The following PDLIM5 variants were observed in gnomAD, a reference collection of about 807,000 sequenced individuals.
PDLIM5 encodes PDZ and LIM domain 5.
In PDLIM5, 34 loss-of-function variants were observed where a neutral mutation model predicts 64.2. The ratio of observed to expected loss-of-function variants is 0.53; its 90% CI spans 0.40 to 0.71. The LOEUF (loss-of-function observed/expected upper bound fraction) is 0.71. Ranked by LOEUF, PDLIM5 falls within the 30% of genes least tolerant of loss-of-function variation. PDLIM5 has a pLI of 0.00. For missense variants in PDLIM5, 683 were observed against 733.6 expected, an observed-to-expected ratio of 0.93 and a Z score of 0.80; for synonymous variants, 253 against 269.1, an observed-to-expected ratio of 0.94 and a Z score of 0.59.
At chr4:94,654,789 T>C (rs2110489952) in intron 10 of PDLIM5, 149 bp downstream of exon 10, 3 of 586,276 alleles carry the variant, frequency 5.1e-6, no homozygotes, top group Admixed American at 3.0e-5. Context: ...AAAGCAAAAC[T>C]AAATAGACCT....
chr4:94,640,080 T>G lies in PDLIM5; in HGVS notation c.1109-196T>G, dbSNP rs17021916. On this transcript the variant is annotated intron_variant, in intron 8 of 12. Coordinates refer to ENST00000317968, the MANE Select transcript of PDLIM5 (RefSeq NM_006457.5). ...GTCTGTCATAATTCTTTTACTTTGT[T>G]GGAATCTTTGGTTTTCTTTCCCATT... Among the ~76,000 whole-genome samples the G allele has an allele frequency of 3.5e-3, 532 of 152,320 alleles. 16 individuals carry two copies. In the East Asian group the frequency reaches 0.071, roughly 20 times the overall value.
chr4:94,513,703 C>G (rs1432956632), intron 2 of PDLIM5, among the ~76,000 whole-genome samples: 1 of 152,076 alleles, frequency 6.6e-6, no homozygotes, highest in African/African-American at 2.4e-5. Context: ...CAGTTTGGAA[C>G]GTTGTATCTT....
At chr4:94,500,410 G>A (rs1431030720) in intron 2 of PDLIM5, among the ~76,000 whole-genome samples, 1 of 152,108 alleles carries the variant, frequency 6.6e-6, no homozygotes, top group Non-Finnish European at 1.5e-5. Context: ...ATTTTACCAA[G>A]TCTTAAACTA....
At position 94,665,568 on chromosome 4, in the gene PDLIM5, C is replaced by T. The variant is rs1743041291; in HGVS notation, c.*1501C>T. 1.5e-5 allele frequency: 14 copies of T among 914,324 alleles called. No individual in the cohort carries two copies. In the South Asian group the frequency reaches 3.9e-4, roughly 26 times the overall value. The allele number at this position is 914,324 out of a possible 1,614,324, so 56.6% of individuals were successfully genotyped here. A position where few individuals can be genotyped will look rare whatever the true frequency, so the allele number is the denominator to read the frequency against. On this transcript the variant is annotated 3_prime_UTR_variant, in exon 13 of 13. Coordinates refer to ENST00000317968, the MANE Select transcript of PDLIM5 (RefSeq NM_006457.5). ...GAATTGTGAATCAGAAGATTATACCCCCCAATTGTTTTTCAATCCCCTTTT... is the reference window on the plus strand; with the variant it reads ...GAATTGTGAATCAGAAGATTATACCTCCCAATTGTTTTTCAATCCCCTTTT...
In PDLIM5 at chr4:94,606,872, A is replaced by G. The variant is rs549753421; in HGVS notation, c.921-11132A>G. 2.0e-5 allele frequency among the ~76,000 whole-genome samples: 3 copies of G among 152,340 alleles called. No individual in the cohort carries two copies. The East Asian group carries it at 5.8e-4, about 29-fold the overall frequency. ...TCCAATAAAGTTCCAATAAAACCTT[A>G]TTTATGGATGCTGAAATTTGAATTT... On this transcript the variant is annotated intron_variant, in intron 7 of 12. Coordinates refer to ENST00000317968, the MANE Select transcript of PDLIM5 (RefSeq NM_006457.5).
chr4:94,560,705 AC>A (rs1733760082), intron 3 of PDLIM5, among the ~76,000 whole-genome samples: 1 of 152,100 alleles, frequency 6.6e-6, no homozygotes, highest in African/African-American at 2.4e-5. Context: ...TATCAAATTA[AC>A]CAGGCTAAGA....
At chr4:94,531,623 G>T in intron 3 of PDLIM5, among the ~76,000 whole-genome samples, 1 of 152,148 alleles carries the variant, frequency 6.6e-6, no homozygotes, top group East Asian at 1.9e-4. Context: ...CCTGTGGGCC[G>T]TGGGTTGGAC....
At chr4:94,476,764 CTG>C (rs1022631927) in intron 2 of PDLIM5, among the ~76,000 whole-genome samples, 8 of 152,292 alleles carry the variant, frequency 5.3e-5, no homozygotes, top group East Asian at 1.9e-4. Context: ...AGTTTGGACT[CTG>C]GAGCCAGCCA....
chr4:94,492,706 G>C (rs890349019), intron 2 of PDLIM5, among the ~76,000 whole-genome samples: 2 of 151,972 alleles, frequency 1.3e-5, no homozygotes, highest in African/African-American at 4.8e-5. Context: ...CATAATACCG[G>C]TTTCTTACTC....
intron 3 of PDLIM5, among the ~76,000 whole-genome samples, chr4:94,561,785 A>C (rs1490882922): frequency 6.6e-6 from 1 of 152,172 alleles, no homozygotes; most frequent in Non-Finnish European, 1.5e-5. Flanking sequence ...TGGCTTCTTC[A>C]CATTTTTAGT....
At chr4:94,589,666 A>G (rs1578430787) in intron 7 of PDLIM5, among the ~76,000 whole-genome samples, 1 of 152,148 alleles carries the variant, frequency 6.6e-6, no homozygotes, top group South Asian at 2.1e-4. Context: ...GCTTGTTTTT[A>G]AAGTGAAATT....
At chr4:94,567,151 C>T (rs1734409458) in intron 3 of PDLIM5, among the ~76,000 whole-genome samples, 1 of 152,140 alleles carries the variant, frequency 6.6e-6, no homozygotes, top group South Asian at 2.1e-4. Context: ...CGCCACCACA[C>T]CTGGCTAATT....
At chr4:94,458,970 G>C (rs1460908379) in intron 2 of PDLIM5, among the ~76,000 whole-genome samples, 1 of 152,152 alleles carries the variant, frequency 6.6e-6, no homozygotes, top group Non-Finnish European at 1.5e-5. Context: ...TTAAAATGGA[G>C]TGCGGGCTAC....
At chr4:94,610,154 C>A in intron 7 of PDLIM5, 2 of 1,503,570 alleles carry the variant, frequency 1.3e-6, no homozygotes, top group Admixed American at 2.1e-5. Context: ...CTTTCCCTAC[C>A]TGTCAGTTTA....
intron 11 of PDLIM5, among the ~76,000 whole-genome samples, 159 bp downstream of exon 11, chr4:94,657,706 GA>G (rs763791332): frequency 1.2e-4 from 18 of 152,042 alleles, no homozygotes; most frequent in Non-Finnish European, 2.2e-4. Flanking sequence ...AAACTATGTA[GA>G]TTTTTTTTTT....
At chr4:94,654,317 C>G (rs543345849) in intron 9 of PDLIM5, 143 bp from the exon 10 acceptor site, 1 of 624,448 alleles carries the variant, frequency 1.6e-6, no homozygotes. Context: ...ATTTACAACA[C>G]CCAACACCCA....
chr4:94,575,206 A>G (rs1183648019), intron 4 of PDLIM5, among the ~76,000 whole-genome samples: 2 of 152,130 alleles, frequency 1.3e-5, no homozygotes, highest in Non-Finnish European at 2.9e-5. Context: ...GAAAGATGGA[A>G]AGATGGGCTT....
chr4:94,528,033 G>A (rs970365706), intron 3 of PDLIM5, among the ~76,000 whole-genome samples: 2 of 152,164 alleles, frequency 1.3e-5, no homozygotes, highest in Non-Finnish European at 2.9e-5. Context: ...TGCTCAGAAG[G>A]TCGTGTTCTT....
In PDLIM5 at chr4:94,665,222, G is replaced by A. The variant is rs575937862; in HGVS notation, c.*1155G>A. On this transcript the variant is annotated 3_prime_UTR_variant, in exon 13 of 13. Transcript: ENST00000317968. ...TAGAGGGCCAGGTGTGGTGGCTCAC[G>A]CCTGTGATCCCAGCACTTTGGGAGG... 63 of 758,504 alleles carry A rather than the reference G, an allele frequency of 8.3e-5. No individual in the cohort carries two copies. The Admixed American group carries it at 2.5e-3, about 30-fold the overall frequency. The allele number at this position is 758,504 out of a possible 1,614,324, so 47.0% of individuals were successfully genotyped here.
Sources: gnomAD v4.1 joint callset for allele counts (sites outside exome capture counted in the v4.1 genomes callset) on GRCh38, gnomAD v4.1.1 for gene constraint, MANE v1.5 for transcripts, NCBI Gene and HGNC (gene_info 2026-07-23, HGNC 2026-07-21) for gene names.